The following SLC9B2 variants were observed in gnomAD, a reference collection of about 807,000 sequenced individuals.
SLC9B2 encodes sodium/hydrogen exchanger 9B2.
Under a neutral mutation model 52.2 loss-of-function variants are expected in SLC9B2, and 39 were observed. The observed-to-expected ratio is 0.75, with a 90% CI of 0.58 to 0.98. The LOEUF (loss-of-function observed/expected upper bound fraction) is 0.98. SLC9B2 is among the 50% of genes least tolerant of loss of function. The pLI is 0.00. For missense variants in SLC9B2, 626 were observed against 637.5 expected (o/e 0.98, Z 0.19); for synonymous variants, 214 against 227.0 (o/e 0.94, Z 0.51).
At chr4:103,020,293 T>C, downstream of SLC9B2, 1 of 433,770 alleles carries the variant, frequency 2.3e-6, no homozygotes. Context: ...TGTGGAAAGT[T>C]GTATGTGAAA....
intron 1 of SLC9B2, among the ~76,000 whole-genome samples, chr4:103,071,424 G>A (rs1746627808): frequency 1.3e-5 from 2 of 149,776 alleles, no homozygotes; most frequent in African/African-American, 4.9e-5. Flanking sequence ...CTGTCACCAG[G>A]CTGAAGAGGG....
At chr4:103,045,066 C>T in intron 7 of SLC9B2, 70 bp from the exon 8 acceptor site, 1 of 942,732 alleles carries the variant, frequency 1.1e-6, no homozygotes, top group Non-Finnish European at 1.7e-6. Flanking sequence ...CCACAATCAT[C>T]AACATGAAGC....
intron 3 of SLC9B2, among the ~76,000 whole-genome samples, chr4:103,065,095 A>T (rs535431390): frequency 4.6e-5 from 7 of 152,026 alleles, no homozygotes; most frequent in African/African-American, 1.7e-4. Context: ...TGAAAGTGGC[A>T]GGAAGACCAT....
intron 9 of SLC9B2, among the ~76,000 whole-genome samples, chr4:103,035,483 C>T (rs527240182): frequency 6.6e-6 from 1 of 152,148 alleles, no homozygotes; most frequent in South Asian, 2.1e-4. Context: ...ATTTATATTC[C>T]TTTGGGTATA....
At chr4:103,019,027 T>C (rs1282174427), downstream of SLC9B2, among the ~76,000 whole-genome samples, 3 of 152,134 alleles carry the variant, frequency 2.0e-5, no homozygotes, top group Non-Finnish European at 2.9e-5. Flanking sequence ...TGTCATCCCA[T>C]CTTGCCCCCC....
At chr4:103,048,793 A>C (rs748574844) in intron 6 of SLC9B2, 100 bp downstream of exon 6, 60 of 1,385,678 alleles carry the variant, frequency 4.3e-5, no homozygotes, top group Non-Finnish European at 5.7e-5. Flanking sequence ...GCATTTTCTG[A>C]TATCTATAAG....
chr4:103,031,386 A>C (rs965223502), intron 10 of SLC9B2, among the ~76,000 whole-genome samples: 2 of 152,144 alleles, frequency 1.3e-5, no homozygotes, highest in African/African-American at 4.8e-5. Flanking sequence ...AGGCTAGATG[A>C]ATATTCTTAC....
At chr4:103,045,091 A>C in intron 7 of SLC9B2, 95 bp from the exon 8 acceptor site, 1 of 794,388 alleles carries the variant, frequency 1.3e-6, no homozygotes, top group Non-Finnish European at 2.1e-6. Flanking sequence ...AATTACAAAG[A>C]AGAAACATTT....
intron 4 of SLC9B2, 75 bp from the exon 5 acceptor site, chr4:103,050,457 A>G: frequency 7.4e-7 from 1 of 1,355,504 alleles, no homozygotes; most frequent in Non-Finnish European, 9.7e-7. Context: ...AATTTTATAC[A>G]GACTACTATA....
chr4:103,039,184 T>A (rs1000526639), intron 9 of SLC9B2, among the ~76,000 whole-genome samples: 1 of 152,350 alleles, frequency 6.6e-6, no homozygotes, highest in South Asian at 2.1e-4. Flanking sequence ...GGGATTGGCA[T>A]CCCAATCTCC....
chr4:103,064,518 G>A (rs562863022), intron 3 of SLC9B2, among the ~76,000 whole-genome samples: 1 of 152,254 alleles, frequency 6.6e-6, no homozygotes, highest in Non-Finnish European at 1.5e-5. Context: ...GGGTTATGGG[G>A]AGAGAGTGGT....
chr4:103,041,522 T>C (rs1743640861), intron 9 of SLC9B2, among the ~76,000 whole-genome samples: 1 of 152,192 alleles, frequency 6.6e-6, no homozygotes, highest in Non-Finnish European at 1.5e-5. Context: ...TCTTATCCAG[T>C]GCCCACTTGC....
intron 3 of SLC9B2, among the ~76,000 whole-genome samples, chr4:103,061,999 G>T (rs897042630): frequency 6.6e-6 from 1 of 152,082 alleles, no homozygotes; most frequent in African/African-American, 2.4e-5. Flanking sequence ...TAGCTACAAG[G>T]GTTGAAATTT....
rs771278924 is a variant in SLC9B2 at position 103,023,596 on chromosome 4, A to ATT, written c.*2773_*2774insAA. ...GCAACATAGTCTTATAGCAATTAAT[A>ATT]AATTCCTACAAAGAGCTTCCAGGAA... On this transcript the variant is annotated 3_prime_UTR_variant, in exon 12 of 12. Coordinates refer to ENST00000394785, the MANE Select transcript of SLC9B2 (RefSeq NM_178833.7). Among the ~76,000 whole-genome samples the ATT allele has an allele frequency of 5.3e-5, 8 of 152,220 alleles. No individual in the cohort carries two copies. The highest frequency in any genetic ancestry group is 8.8e-5 in the Non-Finnish European group (6 of 68,032).
At chr4:103,036,601 C>G (rs1292790419) in intron 9 of SLC9B2, among the ~76,000 whole-genome samples, 2 of 144,106 alleles carry the variant, frequency 1.4e-5, no homozygotes, top group Admixed American at 7.0e-5. Context: ...GTCACAAAAT[C>G]TAAGACACTA....
At chr4:103,063,926 T>C (rs943044098) in intron 3 of SLC9B2, among the ~76,000 whole-genome samples, 2 of 152,154 alleles carry the variant, frequency 1.3e-5, no homozygotes, top group African/African-American at 4.8e-5. Flanking sequence ...CAAACAGGTA[T>C]AGGAAAAAAT....
intron 11 of SLC9B2, 21 bp downstream of exon 11, chr4:103,028,726 A>C (rs767070334): frequency 6.3e-7 from 1 of 1,591,014 alleles, no homozygotes; most frequent in Non-Finnish European, 8.5e-7. Flanking sequence ...TTAAAATGCT[A>C]AGCCATCCTA....
intron 4 of SLC9B2, among the ~76,000 whole-genome samples, chr4:103,054,545 A>G (rs1246543056): frequency 3.3e-5 from 5 of 152,336 alleles, no homozygotes; most frequent in Admixed American, 3.3e-4. Flanking sequence ...GTGGGCTATA[A>G]AGTCTCTGTT....
intron 2 of SLC9B2, among the ~76,000 whole-genome samples, chr4:103,067,017 T>A (rs541039184): frequency 6.6e-6 from 1 of 151,916 alleles, no homozygotes; most frequent in Non-Finnish European, 1.5e-5. Context: ...AAGACACTTA[T>A]AGTCCCAAGC....
Sources: gnomAD v4.1 joint callset for allele counts (sites outside exome capture counted in the v4.1 genomes callset) on GRCh38, gnomAD v4.1.1 for gene constraint, MANE v1.5 for transcripts, NCBI Gene and HGNC (gene_info 2026-07-23, HGNC 2026-07-21) for gene names.